The following FHOD3 variants were observed in gnomAD, a reference collection of about 807,000 sequenced individuals.
FHOD3 encodes FH1/FH2 domain-containing protein 3.
Under a neutral mutation model 173.0 loss-of-function variants are expected in FHOD3, and 90 were observed. That is an observed-to-expected ratio of 0.52 (90% CI 0.44 to 0.62). The LOEUF is 0.62. Ranked by LOEUF, FHOD3 falls within the 20% of genes least tolerant of loss-of-function variation. The pLI is 0.00. For synonymous variants in FHOD3, 828 were observed against 823.0 expected, an observed-to-expected ratio of 1.01 and a Z score of -0.10; for missense variants, 1,945 against 2,034.7, an observed-to-expected ratio of 0.96 and a Z score of 0.85.
chr18:36,488,567 T>G (rs1279644212), intron 3 of FHOD3, among the ~76,000 whole-genome samples: 1 of 152,176 alleles, frequency 6.6e-6, no homozygotes. Flanking sequence ...ACATTAGGTA[T>G]TTTTTAGAAA....
intron 3 of FHOD3, among the ~76,000 whole-genome samples, chr18:36,419,565 A>G (rs541906973): frequency 6.6e-6 from 1 of 152,204 alleles, no homozygotes; most frequent in South Asian, 2.1e-4. Context: ...ACCCTGTAGC[A>G]ACTTGTTACT....
At chr18:36,602,102 C>A (rs1364885855) in intron 7 of FHOD3, among the ~76,000 whole-genome samples, 4 of 152,206 alleles carry the variant, frequency 2.6e-5, no homozygotes, top group Admixed American at 6.5e-5. Flanking sequence ...CCTAGCTGCT[C>A]CATTAGATTA....
intron 6 of FHOD3, among the ~76,000 whole-genome samples, chr18:36,586,780 G>A (rs188283784): frequency 3.3e-5 from 5 of 152,220 alleles, no homozygotes; most frequent in South Asian, 4.2e-4. Flanking sequence ...GTGCCTGGCC[G>A]CGTGTTACAT....
chr18:36,542,365 G>A (rs1397111558), intron 5 of FHOD3, among the ~76,000 whole-genome samples: 4 of 152,010 alleles, frequency 2.6e-5, no homozygotes, highest in Non-Finnish European at 5.9e-5. Flanking sequence ...TTTATTTTTA[G>A]GGATTTAAAA....
chr18:36,598,655 ATTC>A (rs2030875692), intron 7 of FHOD3, among the ~76,000 whole-genome samples: 1 of 151,718 alleles, frequency 6.6e-6, no homozygotes, highest in Non-Finnish European at 1.5e-5. Context: ...GCGTTACGCC[ATTC>A]TTCTGCCTCA....
At chr18:36,703,170 A>C (rs915342897) in intron 17 of FHOD3, among the ~76,000 whole-genome samples, 6 of 152,212 alleles carry the variant, frequency 3.9e-5, no homozygotes, top group Non-Finnish European at 8.8e-5. Context: ...AGGACTTGGT[A>C]AGAGTTGTGG....
chr18:36,653,398 G>A lies in FHOD3; in HGVS notation c.1703G>A (p.Arg568Gln), dbSNP rs1014767571. 37 of 1,533,340 alleles carry A rather than the reference G, an allele frequency of 2.4e-5. No homozygotes were observed. Among genetic ancestry groups the A allele is most frequent in the Non-Finnish European group, 2.8e-5 (32 of 1,145,232 alleles). The allele number at this position is 1,533,340 out of a possible 1,614,324, so 95.0% of individuals were successfully genotyped here. ...TYSASEPYHF[R>Q]SFSSNRYSNF... ...TCTGCCTCTGAGCCTTACCACTTCC[G>A]ATCTTTCTCTTCTAATAGGTGGGTG... Residue 568 changes from arginine (R) to glutamine (Q), a missense_variant, in exon 13 of 29, where the codon CGA (arginine) becomes CAA (glutamine). Coordinates refer to ENST00000590592, the MANE Select transcript of FHOD3 (RefSeq NM_001281740.3).
intron 1 of FHOD3, among the ~76,000 whole-genome samples, chr18:36,302,961 C>T (rs1407513912): frequency 6.6e-6 from 1 of 152,200 alleles, no homozygotes; most frequent in Non-Finnish European, 1.5e-5. Flanking sequence ...GGCTTTGTTT[C>T]ATGCATGGCC....
intron 10 of FHOD3, among the ~76,000 whole-genome samples, chr18:36,630,911 G>C (rs912204323): frequency 6.6e-6 from 1 of 152,226 alleles, no homozygotes; most frequent in African/African-American, 2.4e-5. Flanking sequence ...ATATATAAAT[G>C]GGTCTTGTGG....
At chr18:36,644,292 A>G (rs1199444849) in intron 10 of FHOD3, among the ~76,000 whole-genome samples, 1 of 152,262 alleles carries the variant, frequency 6.6e-6, no homozygotes, top group East Asian at 1.9e-4. Flanking sequence ...CTTTATAAGA[A>G]AATCTAGTTT....
Position 36,754,976 on chromosome 18 carries a change from T to TTTATTA in FHOD3, c.4233-107_4233-102dup, listed in dbSNP as rs142900451. The stretch of plus-strand genomic sequence containing the variant: ...ACTGAGAGTGTGGCTTGTTGGTTTC[T>TTTATTA]TTATTATTATTATTATTATTATTAT... On this transcript the variant is annotated intron_variant, in intron 24 of 28. Transcript: ENST00000590592. The TTTATTA allele has an allele frequency of 0.1, 16,957 of 168,036 alleles. 882 individuals carry two copies. The highest frequency in any genetic ancestry group is 0.17 in the East Asian group (1,013 of 5,830). The allele number at this position is 168,036 out of a possible 1,614,324, so 10.4% of individuals were successfully genotyped here. A position where few individuals can be genotyped will look rare whatever the true frequency, so the allele number is the denominator to read the frequency against.
At chr18:36,769,858 C>T (rs1567968163) in intron 28 of FHOD3, among the ~76,000 whole-genome samples, 2 of 152,242 alleles carry the variant, frequency 1.3e-5, no homozygotes, top group East Asian at 1.9e-4. Context: ...CTGGGTTCAT[C>T]GCTGCCCACA....
At chr18:36,318,433 G>T (rs146019237) in intron 1 of FHOD3, among the ~76,000 whole-genome samples, 2,388 of 152,222 alleles carry the variant, frequency 0.016, 62 homozygotes, top group African/African-American at 0.055. Context: ...CCTTGAAGAG[G>T]TCCTTCACAT....
intron 1 of FHOD3, among the ~76,000 whole-genome samples, chr18:36,298,314 G>A (rs1231504801): frequency 1.3e-5 from 2 of 151,988 alleles, no homozygotes; most frequent in East Asian, 3.9e-4. Flanking sequence ...TCGGCCGGGT[G>A]GGCGGGGTGG....
intron 23 of FHOD3, among the ~76,000 whole-genome samples, chr18:36,746,411 T>A (rs771043225): frequency 6.6e-6 from 1 of 152,194 alleles, no homozygotes; most frequent in African/African-American, 2.4e-5. Context: ...TGCTAGTTTC[T>A]CCATGAGTGT....
chr18:36,717,925 C>T lies in FHOD3; in HGVS notation c.2627C>T (p.Ala876Val). 6.2e-7 allele frequency: 1 copy of T among 1,613,890 alleles called. No individual in the cohort carries two copies. Among genetic ancestry groups the T allele is most frequent in the Non-Finnish European group, 8.5e-7 (1 of 1,179,936 alleles). The change falls in exon 19 of 29, where the codon GCC (alanine) becomes GTC (valine). Residue 876 changes from alanine to valine, a missense_variant. Ala to Val is a moderately conservative substitution (Grantham distance 64). Coordinates refer to ENST00000590592, the MANE Select transcript of FHOD3 (RefSeq NM_001281740.3). Reference protein sequence around the residue: ...NKRFMLDMLYAHNRKSPDDEE... With the variant: ...NKRFMLDMLYVHNRKSPDDEE... ...CGGTTCATGCTTGACATGCTGTATG[C>T]CCATAACAGGAAGTCTCCGGATGAT... is the stretch of plus-strand genomic sequence containing the variant.
In FHOD3 at chr18:36,516,109, A is replaced by G. The variant is rs184496003; in HGVS notation, c.511+3566A>G. Among the ~76,000 whole-genome samples the G allele has an allele frequency of 2.0e-5, 3 of 151,926 alleles. No homozygotes were observed. In the East Asian group the frequency reaches 5.8e-4, roughly 29 times the overall value. ...CCTTTGTGACTTTGAACAATTTCTCACGTAGGCTTTTTTTTAAGGTTCTGA... is the reference window on the plus strand; with the variant it reads ...CCTTTGTGACTTTGAACAATTTCTCGCGTAGGCTTTTTTTTAAGGTTCTGA... On this transcript the variant is annotated intron_variant, in intron 5 of 28. Transcript: ENST00000590592.
chr18:36,367,461 C>T (rs2046954798), intron 2 of FHOD3, among the ~76,000 whole-genome samples: 1 of 152,140 alleles, frequency 6.6e-6, no homozygotes, highest in South Asian at 2.1e-4. Context: ...AGCTGAGCCG[C>T]GTTGCCTTCT....
Position 36,642,865 on chromosome 18 carries a change from G to A in FHOD3, c.1197-6451G>A, listed in dbSNP as rs147496653. ...AAATATGTGTTTATCACTGTCTTAC[G>A]GGGTTTTATTGTGGGGGTTTTTTTC... On this transcript the variant is annotated intron_variant, in intron 10 of 28. Transcript: ENST00000590592. 3.3e-5 allele frequency among the ~76,000 whole-genome samples: 5 copies of A among 151,726 alleles called. No individual in the cohort carries two copies. The East Asian group carries it at 9.7e-4, about 29-fold the overall frequency.
Sources: gnomAD v4.1 joint callset for allele counts (sites outside exome capture counted in the v4.1 genomes callset) on GRCh38, gnomAD v4.1.1 for gene constraint, MANE v1.5 for transcripts, NCBI Gene and HGNC (gene_info 2026-07-23, HGNC 2026-07-21) for gene names.